The following CRIM1 variants were observed in gnomAD, a reference collection of about 807,000 sequenced individuals.
The protein encoded by CRIM1 is cysteine-rich motor neuron 1 protein.
CRIM1 carries 32 observed loss-of-function variants against 116.4 expected under a neutral mutation model. The observed-to-expected ratio is 0.27, with a 90% CI of 0.21 to 0.37. CRIM1 has a LOEUF of 0.37. Ranked by LOEUF, CRIM1 falls within the 10% of genes least tolerant of loss-of-function variation. The probability of loss-of-function intolerance (pLI) is 1.00; values close to 1 mark genes in which losing one functional copy is unlikely to be tolerated. For missense variants in CRIM1, 1,331 were observed against 1,354.8 expected, an observed-to-expected ratio of 0.98 and a Z score of 0.28; for synonymous variants, 590 against 509.2, an observed-to-expected ratio of 1.16 and a Z score of -2.13.
intron 13 of CRIM1, among the ~76,000 whole-genome samples, chr2:36,524,596 C>G (rs1230053349): frequency 1.3e-5 from 2 of 152,110 alleles, no homozygotes; most frequent in Non-Finnish European, 2.9e-5. Context: ...AAAAATCTAA[C>G]AGCAGATCTC....
intron 1 of CRIM1, among the ~76,000 whole-genome samples, chr2:36,367,777 T>A (rs1406271401): frequency 6.6e-6 from 1 of 152,234 alleles, no homozygotes; most frequent in Non-Finnish European, 1.5e-5. Context: ...AGCGTAGTAT[T>A]GGGAAGTTAG....
chr2:36,471,032 G>C (rs1237281362), intron 5 of CRIM1, among the ~76,000 whole-genome samples: 2 of 152,206 alleles, frequency 1.3e-5, no homozygotes, highest in Non-Finnish European at 2.9e-5. Flanking sequence ...AGATGTAGTA[G>C]AAGGAGCAAG....
At chr2:36,450,370 T>A (rs947387542) in intron 4 of CRIM1, among the ~76,000 whole-genome samples, 4 of 152,248 alleles carry the variant, frequency 2.6e-5, no homozygotes, top group African/African-American at 9.6e-5. Context: ...GTGTGTGTCT[T>A]CTCTGTCTTC....
At position 36,418,719 on chromosome 2, in the gene CRIM1, C is replaced by G. The variant is rs548702506; in HGVS notation, c.505+21932C>G. Among the ~76,000 whole-genome samples, 51 of 152,292 alleles carry G rather than the reference C, an allele frequency of 3.3e-4. 1 individual carries two copies. Among genetic ancestry groups the G allele is most frequent in the Admixed American group, 3.1e-3 (48 of 15,304 alleles). On this transcript the variant is annotated intron_variant, in intron 2 of 16. Transcript: ENST00000280527. ...GCCTTCACTCAATGGGAAATCACAT[C>G]TATAGATCACCGCTCTGTTGGCAGG...
intron 1 of CRIM1, among the ~76,000 whole-genome samples, chr2:36,395,091 G>T (rs968606049): frequency 6.8e-6 from 1 of 146,998 alleles, no homozygotes. Context: ...CTTGGCTGAC[G>T]ACAACCTCTG....
intron 2 of CRIM1, among the ~76,000 whole-genome samples, chr2:36,421,527 A>G (rs1040386381): frequency 1.3e-5 from 2 of 152,228 alleles, no homozygotes; most frequent in African/African-American, 2.4e-5. Context: ...AATAATTAGC[A>G]TTAACATTTC....
At chr2:36,368,737 G>A (rs938343053) in intron 1 of CRIM1, among the ~76,000 whole-genome samples, 11 of 152,280 alleles carry the variant, frequency 7.2e-5, no homozygotes, top group African/African-American at 1.9e-4. Flanking sequence ...TCTCTTCCAT[G>A]ATTCTCACTT....
intron 1 of CRIM1, among the ~76,000 whole-genome samples, chr2:36,386,394 T>C (rs552794059): frequency 6.6e-6 from 1 of 152,340 alleles, no homozygotes; most frequent in African/African-American, 2.4e-5. Flanking sequence ...TGTTGCTTGA[T>C]ACAGTATTGA....
chr2:36,390,692 G>A (rs1671507920), intron 1 of CRIM1, among the ~76,000 whole-genome samples: 2 of 151,982 alleles, frequency 1.3e-5, no homozygotes, highest in South Asian at 4.2e-4. Flanking sequence ...TTTTAACCAC[G>A]AGAGCAGTCA....
chr2:36,474,640 G>T (rs1360926056), intron 5 of CRIM1, among the ~76,000 whole-genome samples: 1 of 152,036 alleles, frequency 6.6e-6, no homozygotes, highest in Non-Finnish European at 1.5e-5. Flanking sequence ...TGGATCACTT[G>T]AGGTCAGAGG....
intron 13 of CRIM1, among the ~76,000 whole-genome samples, chr2:36,528,935 C>T (rs916595164): frequency 6.6e-6 from 1 of 152,204 alleles, no homozygotes; most frequent in Non-Finnish European, 1.5e-5. Context: ...TTTCTCTTCT[C>T]ACTTCAGTAT....
At chr2:36,400,098 A>C (rs1400612904) in intron 2 of CRIM1, among the ~76,000 whole-genome samples, 1 of 152,140 alleles carries the variant, frequency 6.6e-6, no homozygotes, top group Non-Finnish European at 1.5e-5. Flanking sequence ...AGAGGGAGTC[A>C]TGGGGATTGA....
chr2:36,538,513 C>A (rs1666714536), intron 14 of CRIM1, among the ~76,000 whole-genome samples: 1 of 152,192 alleles, frequency 6.6e-6, no homozygotes, highest in Admixed American at 6.5e-5. Context: ...GAGCTGGGAA[C>A]CATGCCAATT....
At chr2:36,471,725 A>AC (rs1558340833) in intron 5 of CRIM1, among the ~76,000 whole-genome samples, 6 of 105,262 alleles carry the variant, frequency 5.7e-5, no homozygotes, top group African/African-American at 2.3e-4. Context: ...TGATTAGCTT[A>AC]AACACACACA....
intron 1 of CRIM1, among the ~76,000 whole-genome samples, chr2:36,365,736 G>GTGT (rs1669545747): frequency 1.5e-5 from 2 of 137,624 alleles, no homozygotes; most frequent in East Asian, 2.1e-4. Flanking sequence ...CTATGTTTGT[G>GTGT]TTTTTTTTTT....
Position 36,522,801 on chromosome 2 carries a change from C to CAA in CRIM1, c.2428+501_2428+502dup, listed in dbSNP as rs1388959317. Among the ~76,000 whole-genome samples, 370 of 107,436 alleles carry CAA rather than the reference C, an allele frequency of 3.4e-3. 8 individuals are homozygous for CAA. The highest frequency in any genetic ancestry group is 0.013 in the East Asian group (45 of 3,382). 70.5% of individuals were successfully genotyped at this position (107,436 alleles called of 152,430 possible). On this transcript the variant is annotated intron_variant, in intron 13 of 16. Transcript: ENST00000280527. Reference sequence around the variant, plus strand: ...TGGGTGACAGAGCAAGACTCCATCTCAAAAAAAAAAAAAAGAAGAAGAAGA... The same window carrying CAA: ...TGGGTGACAGAGCAAGACTCCATCTCAAAAAAAAAAAAAAAAGAAGAAGAAGA...
chr2:36,379,930 TG>T (rs1670611582), intron 1 of CRIM1, among the ~76,000 whole-genome samples: 1 of 150,678 alleles, frequency 6.6e-6, no homozygotes, highest in South Asian at 2.1e-4. Context: ...GGTATGTTTA[TG>T]GGAGGAATGT....
intron 4 of CRIM1, among the ~76,000 whole-genome samples, chr2:36,456,320 T>C (rs1034178761): frequency 6.6e-6 from 1 of 152,172 alleles, no homozygotes; most frequent in African/African-American, 2.4e-5. Context: ...AGCTACAAAA[T>C]CATTACGTGT....
chr2:36,536,685 G>A (rs998870207), intron 13 of CRIM1, among the ~76,000 whole-genome samples: 1 of 152,142 alleles, frequency 6.6e-6, no homozygotes, highest in African/African-American at 2.4e-5. Flanking sequence ...CTTGGAAGAG[G>A]GAGGAAATGA....
Sources: allele counts gnomAD v4.1 joint callset (sites outside exome capture counted in the v4.1 genomes callset), GRCh38; gene constraint gnomAD v4.1.1; transcripts MANE v1.5; gene names NCBI Gene and HGNC (gene_info 2026-07-23, HGNC 2026-07-21).